HS6ST3: variants seen among roughly 807,000 people sequenced by gnomAD.
HS6ST3 encodes heparan sulfate 6-O-sulfotransferase 3.
HS6ST3 carries 12 observed loss-of-function variants against 36.7 expected under a neutral mutation model. The observed-to-expected ratio is 0.33, with a 90% CI of 0.21 to 0.53. HS6ST3 has a LOEUF of 0.53. Among genes scored for constraint, HS6ST3 ranks in the 20% least tolerant of loss-of-function variants. The pLI is 0.95. For missense variants in HS6ST3, 584 were observed against 640.9 expected (o/e 0.91, Z 0.96); for synonymous variants, 240 against 257.5 (o/e 0.93, Z 0.65).
At chr13:96,131,014 A>G (rs2053972976) in intron 1 of HS6ST3, among the ~76,000 whole-genome samples, 1 of 152,134 alleles carries the variant, frequency 6.6e-6, no homozygotes, top group Admixed American at 6.5e-5. Flanking sequence ...TACCAAGCAG[A>G]GTATTTGAGG....
intron 1 of HS6ST3, among the ~76,000 whole-genome samples, chr13:96,425,067 C>A (rs2055579926): frequency 2.6e-5 from 4 of 152,256 alleles, no homozygotes; most frequent in African/African-American, 9.6e-5. Context: ...AGTATGACTA[C>A]CGGCCCTAGT....
chr13:96,613,854 A>T (rs1358770324), intron 1 of HS6ST3, among the ~76,000 whole-genome samples: 1 of 152,208 alleles, frequency 6.6e-6, no homozygotes, highest in African/African-American at 2.4e-5. Flanking sequence ...TGTGGGAAAT[A>T]GTCAATAAAA....
intron 1 of HS6ST3, among the ~76,000 whole-genome samples, chr13:96,377,362 C>G (rs2055319956): frequency 6.6e-6 from 1 of 151,782 alleles, no homozygotes; most frequent in Non-Finnish European, 1.5e-5. Flanking sequence ...CAAACAACAA[C>G]AACAACAACA....
At chr13:96,814,523 C>T (rs566626883) in intron 1 of HS6ST3, among the ~76,000 whole-genome samples, 2 of 152,160 alleles carry the variant, frequency 1.3e-5, no homozygotes, top group Admixed American at 6.5e-5. Flanking sequence ...TTCATTTAGG[C>T]CTTTTCAATT....
chr13:96,521,547 CAG>C (rs1238536609), intron 1 of HS6ST3, among the ~76,000 whole-genome samples: 5 of 152,082 alleles, frequency 3.3e-5, no homozygotes, highest in Non-Finnish European at 5.9e-5. Context: ...TTGGTCTATT[CAG>C]AGATTCAACT....
chr13:96,615,004 G>T (rs1415390188), intron 1 of HS6ST3, among the ~76,000 whole-genome samples: 1 of 151,970 alleles, frequency 6.6e-6, no homozygotes, highest in Non-Finnish European at 1.5e-5. Flanking sequence ...TATTTTGTGG[G>T]ATTCCATACA....
chr13:96,307,198 T>C (rs1350534839), intron 1 of HS6ST3, among the ~76,000 whole-genome samples: 7 of 152,286 alleles, frequency 4.6e-5, no homozygotes, highest in Non-Finnish European at 1.0e-4. Context: ...TGAAAGAAAG[T>C]GTGCTCTCTA....
At chr13:96,521,707 T>C (rs951637962) in intron 1 of HS6ST3, among the ~76,000 whole-genome samples, 3 of 152,164 alleles carry the variant, frequency 2.0e-5, no homozygotes, top group Non-Finnish European at 4.4e-5. Flanking sequence ...ATCCCCTTTA[T>C]CATGTTTTAT....
Position 96,550,187 on chromosome 13 carries a change from G to C in HS6ST3, c.708-282303G>C, listed in dbSNP as rs112051053. The stretch of plus-strand genomic sequence containing the variant: ...GATGGGGCCTAGTGGGAGATGTTTG[G>C]GTTGTGGAGGTGGATCTCTCATGAA... On this transcript the variant is annotated intron_variant, in intron 1 of 1. Transcript: ENST00000376705. Among the ~76,000 whole-genome samples, 1,006 of 152,246 alleles carry C rather than the reference G, an allele frequency of 6.6e-3. 11 individuals carry two copies. Among genetic ancestry groups the C allele is most frequent in the African/African-American group, 0.022 (927 of 41,538 alleles).
intron 1 of HS6ST3, among the ~76,000 whole-genome samples, chr13:96,777,685 A>T (rs1877422318): frequency 6.6e-6 from 1 of 152,208 alleles, no homozygotes. Context: ...GACACAAACA[A>T]ATGGAAAAAC....
chr13:96,201,005 G>A (rs2054339273), intron 1 of HS6ST3, among the ~76,000 whole-genome samples: 2 of 152,128 alleles, frequency 1.3e-5, no homozygotes, highest in African/African-American at 4.8e-5. Context: ...ATTCTGCCTG[G>A]TTATCTCTGA....
At chr13:96,250,096 G>A (rs1045421523) in intron 1 of HS6ST3, among the ~76,000 whole-genome samples, 4 of 152,164 alleles carry the variant, frequency 2.6e-5, no homozygotes, top group African/African-American at 9.7e-5. Flanking sequence ...TAAACTTTAT[G>A]TTGTGAATAT....
intron 1 of HS6ST3, among the ~76,000 whole-genome samples, chr13:96,553,724 G>T (rs1490706924): frequency 6.6e-6 from 1 of 152,232 alleles, no homozygotes; most frequent in African/African-American, 2.4e-5. Flanking sequence ...TCAGGTGGTA[G>T]TTCCAGAGCT....
Position 96,280,026 on chromosome 13 carries a change from A to C in HS6ST3, c.707+188457A>C, listed in dbSNP as rs2139393167. 2.0e-5 allele frequency among the ~76,000 whole-genome samples: 3 copies of C among 152,316 alleles called. 1 individual carries two copies. In the South Asian group the frequency reaches 6.2e-4, roughly 32 times the overall value. On this transcript the variant is annotated intron_variant, in intron 1 of 1. Transcript: ENST00000376705. ...CCTGTGGCTTCAACTGTATGTGGACATAGCTTCTGGGTTTGTCAGCCCTTT... is the reference window on the plus strand; with the variant it reads ...CCTGTGGCTTCAACTGTATGTGGACCTAGCTTCTGGGTTTGTCAGCCCTTT...
intron 1 of HS6ST3, among the ~76,000 whole-genome samples, chr13:96,212,191 A>G (rs2054402351): frequency 6.6e-6 from 1 of 152,256 alleles, no homozygotes; most frequent in Non-Finnish European, 1.5e-5. Flanking sequence ...TTGAAATACC[A>G]GCATCAGGTT....
At chr13:96,815,256 T>C (rs1034109323) in intron 1 of HS6ST3, among the ~76,000 whole-genome samples, 1 of 152,184 alleles carries the variant, frequency 6.6e-6, no homozygotes, top group African/African-American at 2.4e-5. Flanking sequence ...GTTCTCTGTA[T>C]CTTCACATTG....
At chr13:96,285,404 A>G (rs1363674112) in intron 1 of HS6ST3, among the ~76,000 whole-genome samples, 1 of 152,242 alleles carries the variant, frequency 6.6e-6, no homozygotes, top group African/African-American at 2.4e-5. Flanking sequence ...TTATGAAACT[A>G]TAATCACCTT....
rs377215690 is a variant in HS6ST3 at position 96,395,222 on chromosome 13, C to T, written c.707+303653C>T. On this transcript the variant is annotated intron_variant, in intron 1 of 1. Transcript: ENST00000376705. Reference sequence around the variant, plus strand: ...TAATATTGTAAAAATTTTTATAGTACTACTAGAGAATGACAAAGAGGGTAT... The same window carrying T: ...TAATATTGTAAAAATTTTTATAGTATTACTAGAGAATGACAAAGAGGGTAT... 1.3e-4 allele frequency among the ~76,000 whole-genome samples: 20 copies of T among 152,186 alleles called. No individual in the cohort carries two copies. In the South Asian group the frequency reaches 2.5e-3, roughly 19 times the overall value.
chr13:96,577,411 T>C (rs1361746636), intron 1 of HS6ST3, among the ~76,000 whole-genome samples: 5 of 152,310 alleles, frequency 3.3e-5, no homozygotes, highest in Non-Finnish European at 5.9e-5. Flanking sequence ...ATCCAGTCTA[T>C]CCTTGATGTA....
Sources: allele counts gnomAD v4.1 joint callset (sites outside exome capture counted in the v4.1 genomes callset), GRCh38; gene constraint gnomAD v4.1.1; transcripts MANE v1.5; gene names NCBI Gene and HGNC (gene_info 2026-07-23, HGNC 2026-07-21).